ADAMTS9: variants seen among roughly 807,000 people sequenced by gnomAD.
The protein encoded by ADAMTS9 is ADAM metallopeptidase with thrombospondin type 1 motif 9, also known as A disintegrin and metalloproteinase with thrombospondin motifs 9.
A neutral mutation model predicts 257.1 loss-of-function variants in ADAMTS9; 107 were observed. The ratio of observed to expected loss-of-function variants is 0.42; its 90% confidence interval spans 0.36 to 0.49. The LOEUF (loss-of-function observed/expected upper bound fraction) is 0.49, where lower values mean the gene tolerates loss of function less well. Among genes scored for constraint, ADAMTS9 ranks in the 20% least tolerant of loss-of-function variants. The pLI is 0.03. For synonymous variants in ADAMTS9, 982 were observed against 880.9 expected, an observed-to-expected ratio of 1.11 and a Z score of -2.03; for missense variants, 2,353 against 2,469.1, an observed-to-expected ratio of 0.95 and a Z score of 1.00.
At chr3:64,681,409 ATTGGGAGG>A in intron 2 of ADAMTS9, 46 bp from the exon 3 acceptor site, 1 of 1,553,958 alleles carries the variant, frequency 6.4e-7, no homozygotes, top group Admixed American at 2.0e-5. Flanking sequence ...TAACTCAGTC[ATTGGGAGG>A]AAAAAAACCA....
intron 28 of ADAMTS9, among the ~76,000 whole-genome samples, chr3:64,572,792 AG>A (rs1444025658): frequency 1.3e-5 from 2 of 152,138 alleles, no homozygotes; most frequent in Non-Finnish European, 2.9e-5. Flanking sequence ...TAGAAAAAGC[AG>A]GGGCGGCCGG....
chr3:64,525,536 C>A (rs1340987463), intron 38 of ADAMTS9, among the ~76,000 whole-genome samples: 2 of 152,042 alleles, frequency 1.3e-5, no homozygotes, highest in Admixed American at 6.6e-5. Context: ...CTCTTGAAAA[C>A]AATGGATAAT....
intron 28 of ADAMTS9, among the ~76,000 whole-genome samples, chr3:64,586,132 GACC>G (rs2084146754): frequency 6.6e-6 from 1 of 152,118 alleles, no homozygotes; most frequent in Non-Finnish European, 1.5e-5. Context: ...GAGACCTAGA[GACC>G]ACTACTGAGC....
At chr3:64,591,612 T>G (rs994099138) in intron 28 of ADAMTS9, among the ~76,000 whole-genome samples, 2 of 152,204 alleles carry the variant, frequency 1.3e-5, no homozygotes, top group Non-Finnish European at 1.5e-5. Flanking sequence ...AGATGGGGAC[T>G]TAAACCCTAG....
intron 31 of ADAMTS9, among the ~76,000 whole-genome samples, chr3:64,547,554 C>G (rs547841550): frequency 2.7e-4 from 32 of 118,228 alleles, no homozygotes; most frequent in African/African-American, 9.7e-4. Context: ...ACTCTGTTGT[C>G]CAGGCTGGAG....
intron 16 of ADAMTS9, among the ~76,000 whole-genome samples, chr3:64,623,990 A>G (rs1186594528): frequency 6.6e-6 from 1 of 151,388 alleles, no homozygotes; most frequent in African/African-American, 2.4e-5. Flanking sequence ...AACCTGGCAG[A>G]GTTAGACCAG....
chr3:64,540,685 T>G (rs916706873), intron 36 of ADAMTS9, among the ~76,000 whole-genome samples: 2 of 152,188 alleles, frequency 1.3e-5, no homozygotes, highest in African/African-American at 4.8e-5. Context: ...CTGACCCCTG[T>G]GCCTGGCTAA....
At position 64,686,858 on chromosome 3, in the gene ADAMTS9, T is replaced by C. The variant is rs114504955; in HGVS notation, c.226A>G (p.Ile76Val). ...NVHFKRTRRS[I>V]NSATDPWPAF... Reference sequence around the variant, plus strand: ...GGCCAGGGGTCAGTGGCAGAGTTAATGCTCCGTCGCGTTCTTTTGAAGTGG... The same window carrying C: ...GGCCAGGGGTCAGTGGCAGAGTTAACGCTCCGTCGCGTTCTTTTGAAGTGG... Residue 76 changes from isoleucine to valine, a missense_variant, in exon 2 of 40, where the codon ATT becomes GTT. Physicochemically the swap from Ile to Val is conservative, Grantham distance 29 (BLOSUM62 3). Transcript: ENST00000498707. This position sits in a 1 kb window ranked among gnomAD's most constrained non-coding sequence, Gnocchi z 4.6. 1.0e-3 allele frequency: 1,693 copies of C among 1,614,130 alleles called. 17 individuals are homozygous for C. In the African/African-American group the frequency reaches 0.02, roughly 19 times the overall value.
chr3:64,581,890 T>C (rs549379319), intron 28 of ADAMTS9, among the ~76,000 whole-genome samples: 7 of 152,290 alleles, frequency 4.6e-5, no homozygotes, highest in African/African-American at 1.4e-4. Flanking sequence ...ATAAAATTTC[T>C]GAGGTTGATG....
At chr3:64,546,421 T>C (rs1019861286) in intron 32 of ADAMTS9, among the ~76,000 whole-genome samples, 1 of 152,214 alleles carries the variant, frequency 6.6e-6, no homozygotes, top group Non-Finnish European at 1.5e-5. Context: ...ATGCTCAATC[T>C]GTGTAAACTC....
chr3:64,551,015 A>G lies in ADAMTS9; in HGVS notation c.4746T>C (p.Cys1582=), dbSNP rs1000456870. The G allele has an allele frequency of 3.7e-6, 6 of 1,614,044 alleles. No individual in the cohort carries two copies. The African/African-American group carries it at 5.3e-5, about 14-fold the overall frequency. ...GCACCTCGTTTTTGTTGTCATCCAC[A>G]CACACCACCTTGCGGTACCTGGAGC... ...GEGSRYRKVV[C]VDDNKNEVHG... Residue 1582 remains cysteine (C), a synonymous_variant, in exon 31 of 40, where the codon TGT becomes TGC. Transcript: ENST00000498707.
chr3:64,634,391 C>G (rs1011435059), intron 12 of ADAMTS9, among the ~76,000 whole-genome samples: 9 of 152,214 alleles, frequency 5.9e-5, no homozygotes, highest in Non-Finnish European at 1.2e-4. Context: ...CCTCTACTCC[C>G]TCTCTCCAGA....
intron 12 of ADAMTS9, among the ~76,000 whole-genome samples, chr3:64,640,883 T>C (rs777421031): frequency 4.0e-5 from 6 of 151,056 alleles, no homozygotes; most frequent in Middle Eastern, 3.2e-3. Flanking sequence ...AAAAAGTCCA[T>C]GGACTTTATT....
At chr3:64,620,481 A>C (rs1700078317) in intron 19 of ADAMTS9, among the ~76,000 whole-genome samples, 1 of 151,312 alleles carries the variant, frequency 6.6e-6, no homozygotes. Context: ...AGAGTATAAA[A>C]TGCAAGCCCC....
Position 64,604,331 on chromosome 3 carries a change from C to G in ADAMTS9, c.3475G>C (p.Asp1159His). ...GGATGACATGATGGTAATTCACAGT[C>G]CTAGACGTGATGGGGGAAAAAAAAA... is the stretch of plus-strand genomic sequence containing the variant. ...NAATRPTDTQ[D>H]CELPSCHPPP... The change falls in exon 24 of 40, where the codon GAC becomes CAC. Residue 1159 changes from aspartate (D) to histidine (H), a missense_variant and splice_region_variant. Around this residue, in one of 3 missense-constraint regions of ADAMTS9, gnomAD observed 1,402 missense variants for 1,441.4 expected, o/e 0.97. Transcript: ENST00000498707. 6.3e-7 allele frequency: 1 copy of G among 1,587,366 alleles called. No homozygotes were observed. The highest frequency in any genetic ancestry group is 1.2e-5 in the South Asian group (1 of 86,134).
At chr3:64,530,556 C>T (rs2082967449) in intron 38 of ADAMTS9, among the ~76,000 whole-genome samples, 1 of 149,512 alleles carries the variant, frequency 6.7e-6, no homozygotes, top group Non-Finnish European at 1.5e-5. Flanking sequence ...AAAATGCCGA[C>T]AGGCAATTGT....
intron 3 of ADAMTS9, among the ~76,000 whole-genome samples, chr3:64,676,695 G>A (rs1701632237): frequency 6.6e-6 from 1 of 152,110 alleles, no homozygotes; most frequent in Non-Finnish European, 1.5e-5. Context: ...AGGGCACTTA[G>A]GCTGTTTCCA....
rs755336019 is a variant in ADAMTS9, at chr3:64,550,945, T to C, written c.4816A>G (p.Ser1606Gly). ...TACTCGCAGGGTTGCAAACTACAGC[T>C]TTCACGGTCCACCGGCCGCTTGCTC... ...DVSKRPVDRE[S>G]CSLQPCEYVW... is the part of the protein sequence containing the mutation. Residue 1606 changes from serine (S) to glycine (G), a missense_variant, in exon 31 of 40, where the codon AGC becomes GGC. Ser to Gly is a moderately conservative substitution (Grantham distance 56). Coordinates refer to ENST00000498707, the MANE Select transcript of ADAMTS9 (RefSeq NM_182920.2). The C allele has an allele frequency of 1.2e-6, 2 of 1,614,144 alleles. No individual in the cohort carries two copies. Among genetic ancestry groups the C allele is most frequent in the Non-Finnish European group, 1.7e-6 (2 of 1,180,024 alleles).
chr3:64,624,307 GAAGAA>G (rs1277172518), intron 16 of ADAMTS9, among the ~76,000 whole-genome samples: 5 of 145,118 alleles, frequency 3.4e-5, no homozygotes, highest in African/African-American at 7.6e-5. Flanking sequence ...AGGAAGGAGG[GAAGAA>G]AAGAAAAAAG....
Sources: allele counts gnomAD v4.1 joint callset (sites outside exome capture counted in the v4.1 genomes callset), GRCh38; gene constraint gnomAD v4.1.1; regional missense constraint gnomAD v4.1.1; non-coding constraint Gnocchi (gnomAD v3.1); transcripts MANE v1.5; gene names NCBI Gene and HGNC (gene_info 2026-07-23, HGNC 2026-07-21).